Variants in EML1 observed in about 807,000 individuals in gnomAD.
EML1 encodes the protein echinoderm microtubule-associated protein-like 1.
EML1 carries 27 observed loss-of-function variants against 110.4 expected under a neutral mutation model. The observed-to-expected ratio is 0.24, with a 90% CI of 0.18 to 0.34. The LOEUF is 0.34. EML1 is among the 10% of genes least tolerant of loss of function. The pLI, the probability that EML1 is intolerant of heterozygous loss-of-function variation, is 1.00. For synonymous variants in EML1, 344 were observed against 385.8 expected (o/e 0.89, Z 1.27); for missense variants, 741 against 1,030.9 (o/e 0.72, Z 3.85).
chr14:99,758,841 A>G (rs1327642700), intron 1 of EML1, among the ~76,000 whole-genome samples: 1 of 152,156 alleles, frequency 6.6e-6, no homozygotes, highest in Non-Finnish European at 1.5e-5. Flanking sequence ...GTCCATCACA[A>G]TGAACTTGTG....
At chr14:99,920,673 A>C in intron 16 of EML1, 116 bp from the exon 17 acceptor site, 2 of 809,190 alleles carry the variant, frequency 2.5e-6, no homozygotes. Context: ...CTTATTAAGC[A>C]AATTCTGAGT....
chr14:99,926,868 C>T (rs1246491903), intron 17 of EML1, among the ~76,000 whole-genome samples: 2 of 151,994 alleles, frequency 1.3e-5, no homozygotes, highest in Non-Finnish European at 2.9e-5. Context: ...CTCAGCCTCC[C>T]GAGTAGCTGG....
intron 1 of EML1, among the ~76,000 whole-genome samples, chr14:99,779,562 A>G (rs1323361542): frequency 6.8e-6 from 1 of 147,982 alleles, no homozygotes; most frequent in Admixed American, 6.6e-5. Context: ...TCCTGAGACT[A>G]CAGATGACAC....
intron 8 of EML1, among the ~76,000 whole-genome samples, chr14:99,900,181 CTT>C (rs3071437): frequency 0.025 from 2,696 of 106,324 alleles, 40 homozygotes; most frequent in African/African-American, 0.085. Context: ...ATATTAAGCT[CTT>C]TTTTTTTTTT....
chr14:99,772,238 A>G (rs375605959), upstream of EML1, among the ~76,000 whole-genome samples: 4 of 152,380 alleles, frequency 2.6e-5, no homozygotes, highest in East Asian at 7.7e-4. Context: ...GCAGGGGCTC[A>G]GCTCTCAGTT....
chr14:99,926,433 C>A (rs565931335), intron 17 of EML1, among the ~76,000 whole-genome samples: 21 of 151,898 alleles, frequency 1.4e-4, no homozygotes, highest in African/African-American at 5.1e-4. Flanking sequence ...TACAGGCTTA[C>A]GCCACCACAC....
intron 2 of EML1, among the ~76,000 whole-genome samples, chr14:99,858,099 C>T (rs185084587): frequency 1.3e-5 from 2 of 152,076 alleles, no homozygotes; most frequent in Admixed American, 1.3e-4. Flanking sequence ...AAGTAGCATG[C>T]TCTCTTGTTC....
In EML1 at chr14:99,914,046, GA is replaced by G. The variant is rs2059991219; in HGVS notation, c.1495-131del. 8 of 1,091,196 alleles carry G rather than the reference GA, an allele frequency of 7.3e-6. No individual in the cohort carries two copies. The South Asian group carries it at 1.2e-4, about 17-fold the overall frequency. 67.6% of individuals were successfully genotyped at this position (1,091,196 alleles called of 1,614,324 possible). The stretch of plus-strand genomic sequence containing the variant: ...ATATGTATATACAACATATATATTT[GA>G]ACGTACATTATATACATATGTGTAT... On this transcript the variant is annotated intron_variant, in intron 13 of 21. Coordinates refer to ENST00000262233, the MANE Select transcript of EML1 (RefSeq NM_004434.3).
In EML1 at chr14:99,901,883, T is replaced by C. The variant is rs556165120; in HGVS notation, c.1008+844T>C. ...AGCCCAGTAGGTCTCAGCCTCATTTTCCCCAGCCCCTATTCAAGTTGCTCT... is the reference window on the plus strand; with the variant it reads ...AGCCCAGTAGGTCTCAGCCTCATTTCCCCCAGCCCCTATTCAAGTTGCTCT... On this transcript the variant is annotated intron_variant, in intron 9 of 21. Coordinates refer to ENST00000262233, the MANE Select transcript of EML1 (RefSeq NM_004434.3). Among the ~76,000 whole-genome samples the C allele has an allele frequency of 2.0e-5, 3 of 152,298 alleles. No individual in the cohort carries two copies. The South Asian group carries it at 6.2e-4, about 32-fold the overall frequency.
intron 13 of EML1, 89 bp from the exon 14 acceptor site, chr14:99,914,090 A>G: frequency 4.0e-6 from 6 of 1,498,736 alleles, no homozygotes; most frequent in Non-Finnish European, 5.5e-6. Flanking sequence ...TGTTATAGGG[A>G]CTATCATTAT....
At chr14:99,890,622 G>A (rs2059570066) in intron 4 of EML1, among the ~76,000 whole-genome samples, 1 of 152,166 alleles carries the variant, frequency 6.6e-6, no homozygotes, top group African/African-American at 2.4e-5. Flanking sequence ...TGCTCATGGT[G>A]GGTGCCCAGG....
intron 1 of EML1, among the ~76,000 whole-genome samples, chr14:99,761,163 G>T (rs777364990): frequency 6.6e-6 from 1 of 152,154 alleles, no homozygotes; most frequent in East Asian, 1.9e-4. Flanking sequence ...CAGGGAAGCT[G>T]AGTGACTTGG....
chr14:99,745,119 T>G (rs779914286), intron 1 of EML1, among the ~76,000 whole-genome samples: 29 of 152,084 alleles, frequency 1.9e-4, no homozygotes, highest in Non-Finnish European at 2.8e-4. Context: ...CAGGCTTGAG[T>G]GCAGTGGCAC....
At chr14:99,756,181 G>A (rs2140180528) in intron 1 of EML1, among the ~76,000 whole-genome samples, 1 of 152,352 alleles carries the variant, frequency 6.6e-6, no homozygotes, top group Middle Eastern at 3.4e-3. Flanking sequence ...CCCCAGAGAA[G>A]GACCCCAGGA....
At chr14:99,810,104 T>C (rs1004910416) in intron 1 of EML1, among the ~76,000 whole-genome samples, 2 of 152,174 alleles carry the variant, frequency 1.3e-5, no homozygotes, top group African/African-American at 4.8e-5. Context: ...GAGTGATGTT[T>C]ACGTGGAAGC....
chr14:99,887,655 A>G lies in EML1; in HGVS notation c.519-3544A>G, dbSNP rs2059504006. 3.3e-5 allele frequency among the ~76,000 whole-genome samples: 5 copies of G among 152,168 alleles called. No homozygotes were observed. The South Asian group carries it at 1.0e-3, about 32-fold the overall frequency. ...ATGGGGAATCAGAGATGAATTACGTAACACCTTGAGAAGCGATCATCTCCC... is the reference window on the plus strand; with the variant it reads ...ATGGGGAATCAGAGATGAATTACGTGACACCTTGAGAAGCGATCATCTCCC... On this transcript the variant is annotated intron_variant, in intron 4 of 21. Coordinates refer to ENST00000262233, the MANE Select transcript of EML1 (RefSeq NM_004434.3).
intron 1 of EML1, chr14:99,838,916 CGCGTGTGTGTGTGTGCGCGCGCGCGT>C (rs1288468210): frequency 4.8e-5 from 2 of 41,686 alleles, no homozygotes; most frequent in African/African-American, 1.6e-4. Flanking sequence ...TGCGCGCGCG[CGCGTGTGTGTGTGTGCGCGCGCGCGT>C]GCATGTTTGT....
At position 99,919,406 on chromosome 14, in the gene EML1, A is replaced by G. The variant is rs529880153; in HGVS notation, c.1821-1383A>G. Reference sequence around the variant, plus strand: ...TGAAAACGTTTGTATAGCCACACACACACATACGCATGCACACAGACACAC... The same window carrying G: ...TGAAAACGTTTGTATAGCCACACACGCACATACGCATGCACACAGACACAC... On this transcript the variant is annotated intron_variant, in intron 16 of 21. Transcript: ENST00000262233. Among the ~76,000 whole-genome samples the G allele has an allele frequency of 9.5e-4, 83 of 87,054 alleles. No homozygotes were observed. The Admixed American group carries it at 0.012, about 13-fold the overall frequency. 57.1% of individuals were successfully genotyped at this position (87,054 alleles called of 152,430 possible). A position where few individuals can be genotyped will look rare whatever the true frequency, so the allele number is the denominator to read the frequency against.
At chr14:99,881,658 T>G (rs907691978) in intron 4 of EML1, among the ~76,000 whole-genome samples, 1 of 151,130 alleles carries the variant, frequency 6.6e-6, no homozygotes, top group Admixed American at 6.6e-5. Context: ...TGGAGTGCAG[T>G]GGCACAATCT....
Sources: gnomAD v4.1 joint callset for allele counts (sites outside exome capture counted in the v4.1 genomes callset) on GRCh38, gnomAD v4.1.1 for gene constraint, MANE v1.5 for transcripts, NCBI Gene and HGNC (gene_info 2026-07-23, HGNC 2026-07-21) for gene names.